SGPL1: variants seen among roughly 807,000 people sequenced by gnomAD.
SGPL1 encodes sphingosine-1-phosphate lyase 1, also known as SP-lyase 1.
Under a neutral mutation model 68.9 loss-of-function variants are expected in SGPL1, and 37 were observed. That is an observed-to-expected ratio of 0.54 (90% confidence interval 0.41 to 0.71). The LOEUF is 0.71. SGPL1 is among the 30% of genes least tolerant of loss of function. The pLI is 0.00. For synonymous variants in SGPL1, 236 were observed against 248.5 expected, an observed-to-expected ratio of 0.95 and a Z score of 0.47; for missense variants, 551 against 704.6, an observed-to-expected ratio of 0.78 and a Z score of 2.47.
At chr10:70,831,224 C>G (rs566710053) in intron 2 of SGPL1, among the ~76,000 whole-genome samples, 43 of 152,184 alleles carry the variant, frequency 2.8e-4, no homozygotes, top group African/African-American at 9.4e-4. Flanking sequence ...CCTCTACTCT[C>G]ACACCACAAC....
intron 5 of SGPL1, among the ~76,000 whole-genome samples, chr10:70,855,412 G>A (rs1425792935): frequency 6.6e-6 from 1 of 152,182 alleles, no homozygotes; most frequent in East Asian, 1.9e-4. Context: ...CAAATAGCTT[G>A]GTGCTTAAGA....
intron 2 of SGPL1, among the ~76,000 whole-genome samples, chr10:70,834,577 G>T (rs994039240): frequency 6.6e-6 from 1 of 152,214 alleles, no homozygotes; most frequent in Non-Finnish European, 1.5e-5. Context: ...ATGAGTGTAA[G>T]TCTCTAGCTC....
At chr10:70,825,253 C>G (rs1366557605) in intron 2 of SGPL1, among the ~76,000 whole-genome samples, 2 of 152,176 alleles carry the variant, frequency 1.3e-5, no homozygotes, top group African/African-American at 4.8e-5. Flanking sequence ...AACTCTTTTG[C>G]TACCCTCTGA....
chr10:70,854,668 C>T, intron 4 of SGPL1, 40 bp from the exon 5 acceptor site: 1 of 1,580,768 alleles, frequency 6.3e-7, no homozygotes, highest in Middle Eastern at 1.7e-4. Flanking sequence ...CTCTACTGTA[C>T]TCTTGCATCT....
chr10:70,863,228 C>T (rs7907169), intron 7 of SGPL1, among the ~76,000 whole-genome samples: 31,132 of 150,732 alleles, frequency 0.21, 3,442 homozygotes, highest in East Asian at 0.36. Flanking sequence ...CTGAAGTGAT[C>T]TGCCTGCCTT....
intron 2 of SGPL1, among the ~76,000 whole-genome samples, chr10:70,828,401 A>G (rs913697058): frequency 1.3e-5 from 2 of 152,150 alleles, no homozygotes; most frequent in African/African-American, 4.8e-5. Context: ...GGCTTCCTGC[A>G]GCCTTGAACT....
At chr10:70,854,250 C>T (rs1845928336) in intron 4 of SGPL1, among the ~76,000 whole-genome samples, 1 of 151,204 alleles carries the variant, frequency 6.6e-6, no homozygotes, top group Non-Finnish European at 1.5e-5. Flanking sequence ...TCTTGGCTCA[C>T]TGCAACCTCC....
intron 7 of SGPL1, among the ~76,000 whole-genome samples, chr10:70,864,688 A>G (rs745728486): frequency 1.7e-4 from 26 of 152,076 alleles, no homozygotes; most frequent in Non-Finnish European, 3.5e-4. Context: ...TGCATGCTAC[A>G]TACTACCTTT....
intron 3 of SGPL1, among the ~76,000 whole-genome samples, chr10:70,850,724 T>C (rs1406634964): frequency 6.6e-6 from 1 of 152,204 alleles, no homozygotes; most frequent in Non-Finnish European, 1.5e-5. Flanking sequence ...TGAATGAGGA[T>C]GCACTGATCT....
intron 3 of SGPL1, among the ~76,000 whole-genome samples, chr10:70,849,264 T>C (rs959199567): frequency 6.6e-6 from 1 of 152,216 alleles, no homozygotes; most frequent in Non-Finnish European, 1.5e-5. Flanking sequence ...TTAGAAATAG[T>C]TGAATAACAA....
intron 5 of SGPL1, 55 bp from the exon 6 acceptor site, chr10:70,857,559 C>G: frequency 7.1e-7 from 1 of 1,403,846 alleles, no homozygotes; most frequent in Admixed American, 1.7e-5. Context: ...TTTATCAGAA[C>G]CTGTCTTCCC....
chr10:70,826,909 CTG>C (rs1208291633), intron 2 of SGPL1, among the ~76,000 whole-genome samples: 5 of 152,178 alleles, frequency 3.3e-5, no homozygotes, highest in African/African-American at 1.2e-4. Context: ...TGTGACTAAA[CTG>C]CAGTTATTTA....
intron 9 of SGPL1, 82 bp from the exon 10 acceptor site, chr10:70,870,966 C>A: frequency 8.6e-7 from 1 of 1,160,966 alleles, no homozygotes; most frequent in Non-Finnish European, 1.3e-6. Context: ...TCTAAGCTAG[C>A]AGCCCAAATT....
chr10:70,841,138 G>A (rs1162250322), intron 2 of SGPL1, among the ~76,000 whole-genome samples: 1 of 152,060 alleles, frequency 6.6e-6, no homozygotes, highest in African/African-American at 2.4e-5. Context: ...GTCTTTCCCA[G>A]GTTTTGGCTG....
At chr10:70,832,746 T>C (rs985391642) in intron 2 of SGPL1, among the ~76,000 whole-genome samples, 1 of 152,182 alleles carries the variant, frequency 6.6e-6, no homozygotes, top group Admixed American at 6.5e-5. Flanking sequence ...CTTAGCAACA[T>C]TCCATGTGCA....
At chr10:70,865,993 C>A (rs1390410540) in intron 7 of SGPL1, among the ~76,000 whole-genome samples, 2 of 152,182 alleles carry the variant, frequency 1.3e-5, no homozygotes, top group African/African-American at 4.8e-5. Flanking sequence ...CATTTTCTTA[C>A]TTCACAGTTA....
At position 70,859,854 on chromosome 10, in the gene SGPL1, AATGTAAAT is replaced by A. The variant is rs529247147; in HGVS notation, c.615+360_615+367del. ...CTTAAAGAACACCTTAGATTCACTA[AATGTAAAT>A]ATGTTGCCATATCTGCTCTCTACAC... On this transcript the variant is annotated intron_variant, in intron 7 of 14. Coordinates refer to ENST00000373202, the MANE Select transcript of SGPL1 (RefSeq NM_003901.4). Among the ~76,000 whole-genome samples, 948 of 151,440 alleles carry A rather than the reference AATGTAAAT, an allele frequency of 6.3e-3. 12 individuals are homozygous for A. The highest frequency in any genetic ancestry group is 0.035 in the South Asian group (168 of 4,746).
intron 2 of SGPL1, among the ~76,000 whole-genome samples, chr10:70,843,740 T>C (rs1416985720): frequency 2.0e-5 from 3 of 152,252 alleles, no homozygotes; most frequent in African/African-American, 7.2e-5. Flanking sequence ...TATAGTCAAG[T>C]AAGGCCTTAG....
At chr10:70,871,739 G>A in intron 10 of SGPL1, 98 bp from the exon 11 acceptor site, 2 of 1,132,436 alleles carry the variant, frequency 1.8e-6, no homozygotes, top group East Asian at 2.4e-5. Flanking sequence ...ATACAAAATA[G>A]CCTTGTGTTT....
Sources: allele counts gnomAD v4.1 joint callset (sites outside exome capture counted in the v4.1 genomes callset), GRCh38; gene constraint gnomAD v4.1.1; transcripts MANE v1.5; gene names NCBI Gene and HGNC (gene_info 2026-07-23, HGNC 2026-07-21).